The following NFATC2IP variants were observed in gnomAD, a reference collection of about 807,000 sequenced individuals.
NFATC2IP encodes nuclear factor of activated T cells 2 interacting protein, also known as NFATC2-interacting protein.
Under a neutral mutation model 40.2 loss-of-function variants are expected in NFATC2IP, and 25 were observed. The ratio of observed to expected loss-of-function variants is 0.62; its 90% CI spans 0.45 to 0.87. The LOEUF (loss-of-function observed/expected upper bound fraction) is 0.87. Ranked by LOEUF, NFATC2IP falls within the 40% of genes least tolerant of loss-of-function variation. The probability of loss-of-function intolerance (pLI) is 0.00; values close to 1 mark genes in which losing one functional copy is unlikely to be tolerated. For synonymous variants in NFATC2IP, 241 were observed against 236.3 expected (o/e 1.02, Z -0.18); for missense variants, 553 against 555.6 (o/e 1.00, Z 0.05).
In NFATC2IP at chr16:28,965,204, G is replaced by A. The variant is rs1379891955; in HGVS notation, c.*1341G>A. 1 of 152,092 alleles carries A rather than the reference G, an allele frequency of 6.6e-6. No individual in the cohort carries two copies. 9.4% of individuals were successfully genotyped at this position (152,092 alleles called of 1,614,324 possible). ...CTTAGCCTTTCTGGTTTCCCTTCCT[G>A]TGCATTGCCCATTTTCTCATGGAGT... On this transcript the variant is annotated 3_prime_UTR_variant, in exon 8 of 8. Coordinates refer to ENST00000320805, the MANE Select transcript of NFATC2IP (RefSeq NM_032815.4).
At position 28,966,574 on chromosome 16, in the gene NFATC2IP, TC is replaced by T. The variant is rs1965149702; in HGVS notation, c.*2712del. The T allele has an allele frequency of 7.4e-6, 1 of 134,364 alleles. No homozygotes were observed. Among genetic ancestry groups the T allele is most frequent in the East Asian group, 2.1e-4 (1 of 4,658 alleles). The allele number at this position is 134,364 out of a possible 1,614,324, so 8.3% of individuals were successfully genotyped here. A position where few individuals can be genotyped will look rare whatever the true frequency, so the allele number is the denominator to read the frequency against. ...AGGAATTCAAGACTGAAACCTTGTC[TC>T]TACTGAAAATACAAAAAAAAAAAAA... On this transcript the variant is annotated 3_prime_UTR_variant, in exon 8 of 8. Transcript: ENST00000320805.
chr16:28,955,099 T>C (rs1965006618), intron 3 of NFATC2IP, among the ~76,000 whole-genome samples: 1 of 152,050 alleles, frequency 6.6e-6, no homozygotes, highest in African/African-American at 2.4e-5. Context: ...GAGGCTGAGA[T>C]GGGAAAATCG....
chr16:28,959,217 C>T (rs1965056512), intron 7 of NFATC2IP, 117 bp downstream of exon 7: 1 of 665,928 alleles, frequency 1.5e-6, no homozygotes, highest in Admixed American at 2.5e-5. Context: ...AGACACTGCC[C>T]TCCATGTTCT....
Position 28,958,718 on chromosome 16 carries a change from C to T in NFATC2IP, c.848C>T (p.Ser283Leu), listed in dbSNP as rs753864758. ...ADLVRLPLRM[S>L]EPLQSVVDHM... is the part of the protein sequence containing the mutation. The stretch of plus-strand genomic sequence containing the variant: ...TTTGCTTGTTGTCCCCATCCCTAGT[C>T]GGAGCCCCTGCAGAGTGTGGTGGAC... Residue 283 changes from serine to leucine, a missense_variant and splice_region_variant, in exon 6 of 8, where the codon TCG becomes TTG. Coordinates refer to ENST00000320805, the MANE Select transcript of NFATC2IP (RefSeq NM_032815.4). 8 of 1,607,946 alleles carry T rather than the reference C, an allele frequency of 5.0e-6. No individual in the cohort carries two copies. Among genetic ancestry groups the T allele is most frequent in the East Asian group, 2.2e-5 (1 of 44,830 alleles).
chr16:28,951,299 C>A lies in NFATC2IP; in HGVS notation c.288C>A (p.Asp96Glu). Residue 96 changes from aspartate to glutamate, a missense_variant, in exon 1 of 8, where the codon GAC becomes GAA. Asp to Glu is a conservative substitution (Grantham distance 45). Coordinates refer to ENST00000320805, the MANE Select transcript of NFATC2IP (RefSeq NM_032815.4). ...GCAACAGTGACAGCGAAGGGGAGGA[C>A]AGGCGGCCCGCAGGACCCCCGCGGG... The part of the protein sequence containing the change: ...DNSNSDSEGE[D>E]RRPAGPPREP... 7.0e-7 allele frequency: 1 copy of A among 1,427,132 alleles called. No homozygotes were observed. 88.4% of individuals were successfully genotyped at this position (1,427,132 alleles called of 1,614,324 possible). A position where few individuals can be genotyped will look rare whatever the true frequency, so the allele number is the denominator to read the frequency against.
intron 7 of NFATC2IP, among the ~76,000 whole-genome samples, chr16:28,959,665 C>T (rs888785483): frequency 2.0e-5 from 3 of 150,670 alleles, no homozygotes; most frequent in Non-Finnish European, 4.4e-5. Context: ...CTCTGCCTTC[C>T]GAGTTTCAAG....
intron 7 of NFATC2IP, among the ~76,000 whole-genome samples, chr16:28,963,471 G>A (rs1012835628): frequency 1.3e-5 from 2 of 152,134 alleles, no homozygotes; most frequent in African/African-American, 4.8e-5. Context: ...CGTGGCCCCC[G>A]TCCTCTACCT....
In NFATC2IP at chr16:28,951,025, TG is replaced by T. The variant is rs754899550; in HGVS notation, c.18del (p.Lys7SerfsTer39). MAEP[V>X]GKRGRWSGGS... Reference sequence around the variant, plus strand: ...GGAAAGTGTGCCATGGCGGAGCCTGTGGGGAAGCGGGGCCGCTGGTCCGGAG... The same window carrying T: ...GGAAAGTGTGCCATGGCGGAGCCTGTGGGAAGCGGGGCCGCTGGTCCGGAG... On this transcript the variant is annotated frameshift_variant, in exon 1 of 8. Coordinates refer to ENST00000320805, the MANE Select transcript of NFATC2IP (RefSeq NM_032815.4). 10 of 1,520,962 alleles carry T rather than the reference TG, an allele frequency of 6.6e-6. No homozygotes were observed. The highest frequency in any genetic ancestry group is 8.8e-6 in the Non-Finnish European group (10 of 1,137,696). The allele number at this position is 1,520,962 out of a possible 1,614,324, so 94.2% of individuals were successfully genotyped here. A position where few individuals can be genotyped will look rare whatever the true frequency, so the allele number is the denominator to read the frequency against.
chr16:28,965,799 A>C lies in NFATC2IP; in HGVS notation c.*1936A>C, dbSNP rs1965139329. ...GCTAGGCGTGATGGCTCAGGTCTGTAATCCCAGCACTTTCGGTGGCCGGGG... is the reference window on the plus strand; with the variant it reads ...GCTAGGCGTGATGGCTCAGGTCTGTCATCCCAGCACTTTCGGTGGCCGGGG... On this transcript the variant is annotated 3_prime_UTR_variant, in exon 8 of 8. Coordinates refer to ENST00000320805, the MANE Select transcript of NFATC2IP (RefSeq NM_032815.4). 1 of 152,168 alleles carries C rather than the reference A, an allele frequency of 6.6e-6. No homozygotes were observed. The highest frequency in any genetic ancestry group is 6.5e-5 in the Admixed American group (1 of 15,272). 9.4% of individuals were successfully genotyped at this position (152,168 alleles called of 1,614,324 possible). A position where few individuals can be genotyped will look rare whatever the true frequency, so the allele number is the denominator to read the frequency against.
chr16:28,952,088 G>C, intron 1 of NFATC2IP, 44 bp from the exon 2 acceptor site: 1 of 1,610,094 alleles, frequency 6.2e-7, no homozygotes, highest in Non-Finnish European at 8.5e-7. Flanking sequence ...TTTCGGTAGG[G>C]GAAGGACTTG....
intron 2 of NFATC2IP, among the ~76,000 whole-genome samples, chr16:28,953,177 C>G (rs1964985600): frequency 6.6e-6 from 1 of 152,068 alleles, no homozygotes; most frequent in Non-Finnish European, 1.5e-5. Flanking sequence ...CAGGTTGAAG[C>G]CATTCTCCTG....
intron 1 of NFATC2IP, 62 bp from the exon 2 acceptor site, chr16:28,952,070 A>G (rs1006711988): frequency 9.2e-5 from 148 of 1,608,406 alleles, no homozygotes; most frequent in Non-Finnish European, 1.2e-4. Context: ...ATTACCCCCA[A>G]TTTTTTCTTT....
At chr16:28,961,965 G>A (rs1272670912) in intron 7 of NFATC2IP, among the ~76,000 whole-genome samples, 2 of 150,598 alleles carry the variant, frequency 1.3e-5, no homozygotes, top group African/African-American at 4.9e-5. Flanking sequence ...GTGCAGTGGT[G>A]CGATCTTGGC....
chr16:28,951,990 T>C lies in NFATC2IP; in HGVS notation c.388-142T>C, dbSNP rs1450877272. 4 of 991,264 alleles carry C rather than the reference T, an allele frequency of 4.0e-6. No individual in the cohort carries two copies. In the African/African-American group the frequency reaches 6.5e-5, roughly 16 times the overall value. The allele number at this position is 991,264 out of a possible 1,614,324, so 61.4% of individuals were successfully genotyped here. On this transcript the variant is annotated intron_variant, in intron 1 of 7. Transcript: ENST00000320805. ...CTGAATCCTGGGGAAGCTGGACTTC[T>C]AGGTTGCCAGGAGAGGGCCAAGGTG... is the stretch of plus-strand genomic sequence containing the variant.
chr16:28,963,462 G>T (rs75968384), intron 7 of NFATC2IP, among the ~76,000 whole-genome samples: 1 of 152,124 alleles, frequency 6.6e-6, no homozygotes, highest in Non-Finnish European at 1.5e-5. Flanking sequence ...CCTTGGGCTC[G>T]TGGCCCCCGT....
At position 28,951,186 on chromosome 16, in the gene NFATC2IP, C is replaced by T. The variant is rs1964961832; in HGVS notation, c.175C>T (p.Leu59=). ...DLVTDSDEEI[L]EVATARGAAD... ...GGTCACCGACAGCGATGAGGAAATT[C>T]TGGAGGTCGCCACCGCTCGCGGTGC... The change falls in exon 1 of 8, where the codon CTG becomes TTG. Residue 59 remains leucine (L), a synonymous_variant. Transcript: ENST00000320805. 1.3e-6 allele frequency: 2 copies of T among 1,541,124 alleles called. No individual in the cohort carries two copies. Among genetic ancestry groups the T allele is most frequent in the Non-Finnish European group, 1.8e-6 (2 of 1,141,782 alleles).
At chr16:28,955,162 C>A (rs1178686852) in intron 3 of NFATC2IP, among the ~76,000 whole-genome samples, 3 of 152,082 alleles carry the variant, frequency 2.0e-5, no homozygotes, top group Non-Finnish European at 1.5e-5. Flanking sequence ...CCACTATACT[C>A]CAGCCTGGGT....
chr16:28,954,225 TATC>T (rs1468758186), intron 2 of NFATC2IP, among the ~76,000 whole-genome samples: 2 of 152,212 alleles, frequency 1.3e-5, no homozygotes, highest in Admixed American at 1.3e-4. Context: ...TAGGGTTTCT[TATC>T]ATTTTTTAAT....
intron 1 of NFATC2IP, 128 bp downstream of exon 1, chr16:28,951,526 C>T: frequency 1.0e-6 from 1 of 961,620 alleles, no homozygotes; most frequent in Non-Finnish European, 1.4e-6. Flanking sequence ...GGTCCTCGGG[C>T]GTTAGGGTGT....
Sources: gnomAD v4.1 joint callset for allele counts (sites outside exome capture counted in the v4.1 genomes callset) on GRCh38, gnomAD v4.1.1 for gene constraint, MANE v1.5 for transcripts, NCBI Gene and HGNC (gene_info 2026-07-23, HGNC 2026-07-21) for gene names.